CCDC192: variants seen among roughly 807,000 people sequenced by gnomAD.
The protein encoded by CCDC192 is coiled-coil domain containing 192.
At chr5:127,746,016 T>G (rs1753720349) in intron 2 of CCDC192, among the ~76,000 whole-genome samples, 1 of 152,220 alleles carries the variant, frequency 6.6e-6, no homozygotes, top group Non-Finnish European at 1.5e-5. Context: ...TTGACTTCAT[T>G]TTTGTTTGCC....
intron 3 of CCDC192, among the ~76,000 whole-genome samples, chr5:127,777,360 T>C (rs1451111766): frequency 6.6e-6 from 1 of 152,188 alleles, no homozygotes; most frequent in Admixed American, 6.5e-5. Context: ...TTTCTCCCAT[T>C]TGGAATGGGT....
At chr5:127,818,694 A>G (rs1239108440) in intron 5 of CCDC192, among the ~76,000 whole-genome samples, 1 of 152,108 alleles carries the variant, frequency 6.6e-6, no homozygotes, top group Non-Finnish European at 1.5e-5. Context: ...TGAGCTGAGT[A>G]TTAAATTAGG....
chr5:127,740,779 G>A (rs1012437008), intron 2 of CCDC192, among the ~76,000 whole-genome samples: 1 of 152,120 alleles, frequency 6.6e-6, no homozygotes, highest in Non-Finnish European at 1.5e-5. Flanking sequence ...GCAATGAAAT[G>A]TCATCAATTC....
chr5:127,741,054 AGTT>A (rs1292383847), intron 2 of CCDC192, among the ~76,000 whole-genome samples: 2 of 152,112 alleles, frequency 1.3e-5, no homozygotes, highest in East Asian at 3.9e-4. Context: ...TTTTTTATTT[AGTT>A]GTTGTTGTCG....
intron 6 of CCDC192, among the ~76,000 whole-genome samples, chr5:127,928,770 C>CT (rs1162784202): frequency 0.02 from 2,856 of 145,058 alleles, 89 homozygotes; most frequent in African/African-American, 0.065. Context: ...CCATGTTATT[C>CT]TTTTTTTTTT....
chr5:127,729,776 TAAATAATA>T (rs1752533600), intron 2 of CCDC192, among the ~76,000 whole-genome samples: 1 of 152,034 alleles, frequency 6.6e-6, no homozygotes, highest in African/African-American at 2.4e-5. Context: ...GACTCCTGGG[TAAATAATA>T]AAATTAAGGC....
intron 3 of CCDC192, among the ~76,000 whole-genome samples, chr5:127,794,559 A>G (rs773232444): frequency 1.3e-5 from 2 of 152,220 alleles, no homozygotes; most frequent in Admixed American, 1.3e-4. Flanking sequence ...ATAGTTTTGC[A>G]TTATATAATA....
At chr5:127,855,653 A>G (rs1332941421) in intron 5 of CCDC192, among the ~76,000 whole-genome samples, 1 of 152,250 alleles carries the variant, frequency 6.6e-6, no homozygotes, top group Non-Finnish European at 1.5e-5. Context: ...ATAGTCTGAC[A>G]AAATGTATTT....
Position 127,780,146 on chromosome 5 carries a change from C to T in CCDC192, c.223-16957C>T, listed in dbSNP as rs141556400. ...ACATACACACACATATATATACACACACACATATATACGTATACGCACACA... is the reference window on the plus strand; with the variant it reads ...ACATACACACACATATATATACACATACACATATATACGTATACGCACACA... On this transcript the variant is annotated intron_variant, in intron 3 of 6. Coordinates refer to ENST00000514853, the MANE Select transcript of CCDC192 (RefSeq NM_001317938.2). 3.0e-3 allele frequency among the ~76,000 whole-genome samples: 458 copies of T among 152,128 alleles called. 2 individuals are homozygous for T. The highest frequency in any genetic ancestry group is 0.01 in the African/African-American group (423 of 41,472).
chr5:127,828,252 T>A (rs1406134988), intron 5 of CCDC192, among the ~76,000 whole-genome samples: 2 of 152,154 alleles, frequency 1.3e-5, no homozygotes, highest in Non-Finnish European at 2.9e-5. Flanking sequence ...CATTTTTCAG[T>A]CTTCACCCAA....
At chr5:127,928,220 G>A (rs918261524) in intron 6 of CCDC192, among the ~76,000 whole-genome samples, 1 of 152,090 alleles carries the variant, frequency 6.6e-6, no homozygotes, top group African/African-American at 2.4e-5. Flanking sequence ...ACGCCTGGCT[G>A]GTGATCTTTT....
chr5:127,863,780 G>GT (rs1751475297), intron 5 of CCDC192, among the ~76,000 whole-genome samples: 1 of 152,192 alleles, frequency 6.6e-6, no homozygotes, highest in Non-Finnish European at 1.5e-5. Flanking sequence ...GTGACTCAGA[G>GT]TAACTGACAT....
chr5:127,891,006 A>C (rs922596830), intron 6 of CCDC192, among the ~76,000 whole-genome samples: 1 of 152,096 alleles, frequency 6.6e-6, no homozygotes, highest in African/African-American at 2.4e-5. Flanking sequence ...ACTTCTCTTC[A>C]AACTTCTCTC....
chr5:127,928,146 T>C (rs1402996626), intron 6 of CCDC192, among the ~76,000 whole-genome samples: 2 of 152,020 alleles, frequency 1.3e-5, no homozygotes, highest in Non-Finnish European at 2.9e-5. Context: ...CAAGCTGGTC[T>C]CGAACTCAGG....
intron 6 of CCDC192, among the ~76,000 whole-genome samples, chr5:127,893,844 C>G (rs928097429): frequency 4.0e-5 from 6 of 151,702 alleles, no homozygotes; most frequent in Non-Finnish European, 8.8e-5. Flanking sequence ...AAAAATTCAG[C>G]AATAATGCAT....
chr5:127,809,654 G>A (rs1757972499), intron 5 of CCDC192, among the ~76,000 whole-genome samples: 1 of 152,112 alleles, frequency 6.6e-6, no homozygotes, highest in Admixed American at 6.6e-5. Flanking sequence ...TTTCCTTATT[G>A]TAATTCTAGG....
At chr5:127,774,794 C>A (rs10463832) in intron 3 of CCDC192, among the ~76,000 whole-genome samples, 8,455 of 152,198 alleles carry the variant, frequency 0.056, 541 homozygotes, top group East Asian at 0.27. Context: ...AAAAAAGAAG[C>A]CATCATAATT....
rs116625743 is a variant in CCDC192 at position 127,897,359 on chromosome 5, A to G, written c.535+21698A>G. Among the ~76,000 whole-genome samples, 751 of 152,252 alleles carry G rather than the reference A, an allele frequency of 4.9e-3. 4 individuals are homozygous for G. The highest frequency in any genetic ancestry group is 0.017 in the African/African-American group (714 of 41,544). Reference sequence around the variant, plus strand: ...AAAAGGGATATGATGTCTGTCCACAATTAATTCATACTGAAACACTGCAAA... The same window carrying G: ...AAAAGGGATATGATGTCTGTCCACAGTTAATTCATACTGAAACACTGCAAA... On this transcript the variant is annotated intron_variant, in intron 6 of 6. Coordinates refer to ENST00000514853, the MANE Select transcript of CCDC192 (RefSeq NM_001317938.2).
At chr5:127,785,336 G>A in intron 3 of CCDC192, 1 of 446,360 alleles carries the variant, frequency 2.2e-6, no homozygotes, top group Non-Finnish European at 4.4e-6. Context: ...CCTGAATGCT[G>A]AAATCCCAGT....
Sources: gnomAD v4.1 joint callset for allele counts (sites outside exome capture counted in the v4.1 genomes callset) on GRCh38, gnomAD v4.1.1 for gene constraint, MANE v1.5 for transcripts, NCBI Gene and HGNC (gene_info 2026-07-23, HGNC 2026-07-21) for gene names.